Variants in SLC25A21 observed in about 807,000 individuals in gnomAD.
The protein encoded by SLC25A21 is mitochondrial 2-oxodicarboxylate carrier.
In SLC25A21, 47 loss-of-function variants were observed where a neutral mutation model predicts 43.8. The ratio of observed to expected loss-of-function variants is 1.07; its 90% CI spans 0.85 to 1.37. The LOEUF (loss-of-function observed/expected upper bound fraction) is 1.37. Among genes scored for constraint, SLC25A21 ranks in the 40% most tolerant of loss-of-function variants. The probability of loss-of-function intolerance (pLI) is 0.00; values close to 1 mark genes in which losing one functional copy is unlikely to be tolerated. For synonymous variants in SLC25A21, 131 were observed against 121.3 expected, an observed-to-expected ratio of 1.08 and a Z score of -0.52; for missense variants, 352 against 350.2, an observed-to-expected ratio of 1.00 and a Z score of -0.04.
Position 36,966,405 on chromosome 14 carries a change from T to C in SLC25A21, c.71-91401A>G, listed in dbSNP as rs188617142. On this transcript the variant is annotated intron_variant, in intron 1 of 9. Coordinates refer to ENST00000331299, the MANE Select transcript of SLC25A21 (RefSeq NM_030631.4). ...GAAATTCTTGAGGTGATCAGTGGAA[T>C]TGTTTAGAGTCTTTTTTATCTACTC... Among the ~76,000 whole-genome samples, 314 of 152,254 alleles carry C rather than the reference T, an allele frequency of 2.1e-3. 3 individuals carry two copies. Among genetic ancestry groups the C allele is most frequent in the African/African-American group, 7.1e-3 (296 of 41,540 alleles).
At chr14:37,072,979 G>A (rs748682294) in intron 1 of SLC25A21, among the ~76,000 whole-genome samples, 2 of 152,140 alleles carry the variant, frequency 1.3e-5, no homozygotes, top group Non-Finnish European at 2.9e-5. Context: ...CTGGGACAAC[G>A]TGTCACTCTT....
At chr14:36,685,953 T>G (rs1882518459) in intron 7 of SLC25A21, among the ~76,000 whole-genome samples, 1 of 152,180 alleles carries the variant, frequency 6.6e-6, no homozygotes, top group East Asian at 1.9e-4. Flanking sequence ...CCCTATCTTT[T>G]CCCTGCCCTC....
rs1352568135 is a variant in SLC25A21 at position 36,679,411 on chromosome 14, C to T, written c.*1247G>A. The T allele has an allele frequency of 1.0e-6, 1 of 983,520 alleles. No homozygotes were observed. The highest frequency in any genetic ancestry group is 1.2e-6 in the Non-Finnish European group (1 of 828,432). The allele number at this position is 983,520 out of a possible 1,614,324, so 60.9% of individuals were successfully genotyped here. ...TTTCAAAATGCTTTAGTGAAATAGC[C>T]CCGTAGTAGAAATAGCCCACGGTAG... On this transcript the variant is annotated 3_prime_UTR_variant, in exon 10 of 10. Coordinates refer to ENST00000331299, the MANE Select transcript of SLC25A21 (RefSeq NM_030631.4).
chr14:37,057,149 G>A (rs1034505689), intron 1 of SLC25A21, among the ~76,000 whole-genome samples: 11 of 152,064 alleles, frequency 7.2e-5, no homozygotes, highest in African/African-American at 2.4e-4. Context: ...TTTCAAATGC[G>A]TTACATGGCT....
chr14:36,910,093 A>G (rs544186676), intron 1 of SLC25A21, among the ~76,000 whole-genome samples: 9 of 152,210 alleles, frequency 5.9e-5, no homozygotes, highest in Non-Finnish European at 1.3e-4. Context: ...TATTTGGGAA[A>G]GCAGACCTAA....
At chr14:37,133,747 A>G (rs1273470325) in intron 1 of SLC25A21, among the ~76,000 whole-genome samples, 3 of 151,984 alleles carry the variant, frequency 2.0e-5, no homozygotes, top group Admixed American at 1.3e-4. Context: ...TTGTCCCTCT[A>G]TGAGTGGACA....
chr14:36,906,556 A>T (rs1318687977), intron 1 of SLC25A21, among the ~76,000 whole-genome samples: 2 of 151,128 alleles, frequency 1.3e-5, no homozygotes, highest in African/African-American at 4.9e-5. Flanking sequence ...GCCAGGCTAG[A>T]GTGCAGTGGC....
rs549057919 is a variant in SLC25A21, at chr14:37,016,360, C to T, written c.71-141356G>A. Among the ~76,000 whole-genome samples the T allele has an allele frequency of 1.9e-3, 282 of 152,058 alleles. 1 individual carries two copies. Among genetic ancestry groups the T allele is most frequent in the African/African-American group, 6.7e-3 (279 of 41,480 alleles). Reference sequence around the variant, plus strand: ...CAAAGATCACATAGTTGTAGATATGCGGCGTTATTTCTGAGGGCTCTGTTC... The same window carrying T: ...CAAAGATCACATAGTTGTAGATATGTGGCGTTATTTCTGAGGGCTCTGTTC... On this transcript the variant is annotated intron_variant, in intron 1 of 9. Coordinates refer to ENST00000331299, the MANE Select transcript of SLC25A21 (RefSeq NM_030631.4).
At chr14:36,891,151 C>G (rs529720185) in intron 1 of SLC25A21, among the ~76,000 whole-genome samples, 2 of 152,222 alleles carry the variant, frequency 1.3e-5, no homozygotes, top group African/African-American at 4.8e-5. Flanking sequence ...GTGGCCCTAA[C>G]TTTCTGTCAA....
intron 1 of SLC25A21, among the ~76,000 whole-genome samples, chr14:37,119,452 G>A (rs1172641916): frequency 6.6e-6 from 1 of 152,130 alleles, no homozygotes; most frequent in Non-Finnish European, 1.5e-5. Context: ...AGCTACTCAG[G>A]AGGCTGAGGC....
intron 1 of SLC25A21, among the ~76,000 whole-genome samples, chr14:36,994,591 T>C (rs1197044527): frequency 1.3e-5 from 2 of 152,282 alleles, no homozygotes; most frequent in South Asian, 2.1e-4. Flanking sequence ...CAGTTTACCA[T>C]AGGCAGAGTG....
At chr14:37,163,826 G>C (rs1204393203) in intron 1 of SLC25A21, among the ~76,000 whole-genome samples, 7 of 152,164 alleles carry the variant, frequency 4.6e-5, no homozygotes, top group Non-Finnish European at 1.0e-4. Flanking sequence ...CAGTATTGTT[G>C]TAAGTATTAT....
chr14:36,745,797 A>G (rs1019713353), intron 3 of SLC25A21, among the ~76,000 whole-genome samples: 7 of 152,054 alleles, frequency 4.6e-5, no homozygotes, highest in Admixed American at 6.6e-5. Flanking sequence ...TGTAAGTTGC[A>G]CGAATAGGCA....
At chr14:36,851,948 T>C (rs534386237) in intron 2 of SLC25A21, among the ~76,000 whole-genome samples, 8 of 152,272 alleles carry the variant, frequency 5.3e-5, no homozygotes, top group African/African-American at 1.4e-4. Flanking sequence ...CTAATGAACA[T>C]GGGACTCTGG....
intron 6 of SLC25A21, among the ~76,000 whole-genome samples, chr14:36,724,649 G>A (rs551292935): frequency 6.6e-6 from 1 of 152,330 alleles, no homozygotes; most frequent in South Asian, 2.1e-4. Flanking sequence ...GGAATTCTTA[G>A]GTAACTGGAA....
intron 7 of SLC25A21, among the ~76,000 whole-genome samples, chr14:36,701,467 C>G (rs1883273611): frequency 6.6e-6 from 1 of 152,150 alleles, no homozygotes. Context: ...CTAAATGTAG[C>G]CATTCAGAAA....
intron 1 of SLC25A21, among the ~76,000 whole-genome samples, chr14:37,088,723 C>T (rs1365134623): frequency 6.6e-6 from 1 of 152,152 alleles, no homozygotes; most frequent in Non-Finnish European, 1.5e-5. Context: ...GGCATATATG[C>T]ACAAACGTGG....
At chr14:36,853,396 T>A (rs775785816) in intron 2 of SLC25A21, among the ~76,000 whole-genome samples, 2 of 152,212 alleles carry the variant, frequency 1.3e-5, no homozygotes, top group African/African-American at 4.8e-5. Flanking sequence ...AAGCTCTCTC[T>A]CACATAGGAG....
At chr14:36,871,110 A>C (rs1385011588) in intron 2 of SLC25A21, among the ~76,000 whole-genome samples, 1 of 151,990 alleles carries the variant, frequency 6.6e-6, no homozygotes, top group Non-Finnish European at 1.5e-5. Flanking sequence ...TATGGTCTGA[A>C]TGTTTGTGCC....
Sources: gnomAD v4.1 joint callset for allele counts (sites outside exome capture counted in the v4.1 genomes callset) on GRCh38, gnomAD v4.1.1 for gene constraint, MANE v1.5 for transcripts, NCBI Gene and HGNC (gene_info 2026-07-23, HGNC 2026-07-21) for gene names.